OSBP2: variants seen among roughly 807,000 people sequenced by gnomAD.
OSBP2 encodes oxysterol-binding protein 2.
OSBP2 carries 66 observed loss-of-function variants against 96.0 expected under a neutral mutation model. The ratio of observed to expected loss-of-function variants is 0.69; its 90% confidence interval spans 0.56 to 0.84. OSBP2 has a LOEUF of 0.84. Among genes scored for constraint, OSBP2 ranks in the 40% least tolerant of loss-of-function variants. The pLI is 0.00. For missense variants in OSBP2, 1,038 were observed against 1,222.7 expected (o/e 0.85, Z 2.25); for synonymous variants, 525 against 520.9 (o/e 1.01, Z -0.11).
chr22:30,778,463 C>T (rs552522508), intron 2 of OSBP2, among the ~76,000 whole-genome samples: 3 of 152,160 alleles, frequency 2.0e-5, no homozygotes, highest in South Asian at 4.1e-4. Context: ...GAGCCTGGCC[C>T]CAGTTTTCTT....
intron 2 of OSBP2, among the ~76,000 whole-genome samples, chr22:30,838,585 C>T (rs746711271): frequency 1.3e-5 from 2 of 152,124 alleles, no homozygotes; most frequent in African/African-American, 4.8e-5. Flanking sequence ...CCATTAACTA[C>T]GATCTGCACT....
chr22:30,701,810 A>C (rs557633459), intron 1 of OSBP2, among the ~76,000 whole-genome samples: 1 of 152,290 alleles, frequency 6.6e-6, no homozygotes, highest in East Asian at 1.9e-4. Flanking sequence ...CTTTAATTTG[A>C]AATTATTATT....
In OSBP2 at chr22:30,710,385, T is replaced by A. The variant is rs373709063; in HGVS notation, c.644+14832T>A. Among the ~76,000 whole-genome samples the A allele has an allele frequency of 1.2e-4, 18 of 152,304 alleles. No homozygotes were observed. In the East Asian group the frequency reaches 1.7e-3, roughly 15 times the overall value. ...CCAATTAGTTGTGTTTTCTTAAGCATCATTACCTCTCATAGATATCAGCAT... is the reference window on the plus strand; with the variant it reads ...CCAATTAGTTGTGTTTTCTTAAGCAACATTACCTCTCATAGATATCAGCAT... On this transcript the variant is annotated intron_variant, in intron 1 of 13. Coordinates refer to ENST00000332585, the MANE Select transcript of OSBP2 (RefSeq NM_030758.4).
chr22:30,731,287 G>C (rs932823600), intron 1 of OSBP2, among the ~76,000 whole-genome samples: 1 of 152,144 alleles, frequency 6.6e-6, no homozygotes, highest in Non-Finnish European at 1.5e-5. Context: ...TGACCACCCA[G>C]CTCATTCCCT....
chr22:30,898,178 C>CA (rs869212069), intron 12 of OSBP2, among the ~76,000 whole-genome samples: 15 of 150,976 alleles, frequency 9.9e-5, no homozygotes, highest in Non-Finnish European at 1.9e-4. Flanking sequence ...TCATCTCTAC[C>CA]AAAAAAAAAT....
At chr22:30,887,125 G>A (rs1038785086) in intron 3 of OSBP2, among the ~76,000 whole-genome samples, 18 of 152,186 alleles carry the variant, frequency 1.2e-4, no homozygotes, top group African/African-American at 4.1e-4. Flanking sequence ...GAACTGTGGC[G>A]CTGGTGGGAG....
chr22:30,826,473 G>T (rs746534240), intron 2 of OSBP2, among the ~76,000 whole-genome samples: 1 of 152,084 alleles, frequency 6.6e-6, no homozygotes, highest in African/African-American at 2.4e-5. Flanking sequence ...CCTTGCAGGC[G>T]CAATGCCCAT....
chr22:30,802,551 G>A (rs1230071111), intron 2 of OSBP2, among the ~76,000 whole-genome samples: 1 of 152,254 alleles, frequency 6.6e-6, no homozygotes, highest in Non-Finnish European at 1.5e-5. Flanking sequence ...CCTTAGTGTC[G>A]TGTCGGGTTC....
rs193266363 is a variant in OSBP2 at position 30,859,787 on chromosome 22, C to T, written c.854-10642C>T. Among the ~76,000 whole-genome samples the T allele has an allele frequency of 8.1e-4, 124 of 152,310 alleles. 2 individuals are homozygous for T. In the South Asian group the frequency reaches 8.9e-3, roughly 11 times the overall value. On this transcript the variant is annotated intron_variant, in intron 2 of 13. Coordinates refer to ENST00000332585, the MANE Select transcript of OSBP2 (RefSeq NM_030758.4). ...TGAATTTGTGTTATGTGGACAAAGG[C>T]TAGACTTCAATGTGGAACAAAGGAA...
In OSBP2 at chr22:30,870,893, T is replaced by C. The variant is rs1013583802; in HGVS notation, c.1107+211T>C. Reference sequence around the variant, plus strand: ...CGTTGGGCAAGGACATTCTTCCTAATTGTCTGGAGGAAACGAGTTGGTTGT... The same window carrying C: ...CGTTGGGCAAGGACATTCTTCCTAACTGTCTGGAGGAAACGAGTTGGTTGT... On this transcript the variant is annotated intron_variant, in intron 3 of 13. Transcript: ENST00000332585. The surrounding 1 kb of genome is among the most constrained non-coding windows in gnomAD (Gnocchi z 4.1). Among the ~76,000 whole-genome samples the C allele has an allele frequency of 6.6e-6, 1 of 152,212 alleles. No homozygotes were observed. Among genetic ancestry groups the C allele is most frequent in the Admixed American group, 6.5e-5 (1 of 15,286 alleles).
chr22:30,744,313 C>T (rs1019585062), intron 2 of OSBP2, among the ~76,000 whole-genome samples: 1 of 152,096 alleles, frequency 6.6e-6, no homozygotes, highest in East Asian at 1.9e-4. Flanking sequence ...GGCCTAATGT[C>T]GCTCTCCTTG....
At chr22:30,846,725 T>G (rs1406555202) in intron 2 of OSBP2, among the ~76,000 whole-genome samples, 2 of 152,220 alleles carry the variant, frequency 1.3e-5, no homozygotes, top group Non-Finnish European at 1.5e-5. Flanking sequence ...TCTATTCAAA[T>G]ACCATTTTTA....
intron 1 of OSBP2, among the ~76,000 whole-genome samples, chr22:30,719,287 A>G (rs1034766512): frequency 1.3e-5 from 2 of 151,978 alleles, no homozygotes; most frequent in African/African-American, 4.8e-5. Context: ...CCAGTAGCTC[A>G]TGTTTTGTCT....
intron 1 of OSBP2, among the ~76,000 whole-genome samples, chr22:30,732,912 G>A (rs1282308899): frequency 6.6e-6 from 1 of 152,212 alleles, no homozygotes; most frequent in Non-Finnish European, 1.5e-5. Context: ...CACTGGCACA[G>A]CTGCTAGGCT....
chr22:30,801,922 A>G (rs1016338100), intron 2 of OSBP2, among the ~76,000 whole-genome samples: 1 of 152,220 alleles, frequency 6.6e-6, no homozygotes, highest in Non-Finnish European at 1.5e-5. Context: ...GGCTGCAGTG[A>G]GCTATGATCA....
intron 2 of OSBP2, among the ~76,000 whole-genome samples, chr22:30,752,616 C>G (rs1034063442): frequency 1.4e-4 from 22 of 151,914 alleles, no homozygotes; most frequent in African/African-American, 5.3e-4. Flanking sequence ...CAGATGAAGC[C>G]TCCAAGTAGC....
intron 1 of OSBP2, among the ~76,000 whole-genome samples, chr22:30,726,962 A>G (rs952016666): frequency 6.6e-6 from 1 of 152,186 alleles, no homozygotes; most frequent in Non-Finnish European, 1.5e-5. Flanking sequence ...ACTAACTTTA[A>G]TGGCTTTTGA....
chr22:30,705,370 C>T (rs149010186), intron 1 of OSBP2, among the ~76,000 whole-genome samples: 10,509 of 151,884 alleles, frequency 0.069, 511 homozygotes, highest in Non-Finnish European at 0.1. Flanking sequence ...CTCAGCTCAC[C>T]GCAACCTCCG....
At chr22:30,826,800 C>T (rs1366328307) in intron 2 of OSBP2, among the ~76,000 whole-genome samples, 1 of 152,114 alleles carries the variant, frequency 6.6e-6, no homozygotes, top group Admixed American at 6.5e-5. Context: ...TGGTTGGGGG[C>T]CTCAGCTTCC....
Sources: allele counts gnomAD v4.1 joint callset (sites outside exome capture counted in the v4.1 genomes callset), GRCh38; gene constraint gnomAD v4.1.1; non-coding constraint Gnocchi (gnomAD v3.1); transcripts MANE v1.5; gene names NCBI Gene and HGNC (gene_info 2026-07-23, HGNC 2026-07-21).